PTPN12: variants seen among roughly 807,000 people sequenced by gnomAD.
PTPN12 encodes tyrosine-protein phosphatase non-receptor type 12.
A neutral mutation model predicts 97.6 loss-of-function variants in PTPN12; 29 were observed. The observed-to-expected ratio is 0.30, with a 90% CI of 0.22 to 0.41. The LOEUF (loss-of-function observed/expected upper bound fraction) is 0.41. PTPN12 is among the 10% of genes least tolerant of loss of function. The pLI, the probability that PTPN12 is intolerant of heterozygous loss-of-function variation, is 1.00. For missense variants in PTPN12, 819 were observed against 926.0 expected (o/e 0.88, Z 1.50); for synonymous variants, 327 against 300.4 (o/e 1.09, Z -0.91).
At chr7:77,634,409 T>A (rs116172232) in intron 14 of PTPN12, among the ~76,000 whole-genome samples, 3,129 of 152,186 alleles carry the variant, frequency 0.021, 106 homozygotes, top group African/African-American at 0.07. Flanking sequence ...TTGTTTTGTT[T>A]CATTTGGTTT....
intron 13 of PTPN12, among the ~76,000 whole-genome samples, chr7:77,628,233 T>C (rs1789271113): frequency 6.6e-6 from 1 of 152,228 alleles, no homozygotes; most frequent in Admixed American, 6.5e-5. Context: ...AATTCAGTAG[T>C]GAGTGGGCTA....
chr7:77,540,219 A>ATTTC (rs757480258), intron 1 of PTPN12, among the ~76,000 whole-genome samples: 1,648 of 149,104 alleles, frequency 0.011, 18 homozygotes, highest in African/African-American at 0.022. Flanking sequence ...TGGAGAGTTC[A>ATTTC]TTTCTTTCTT....
intron 13 of PTPN12, among the ~76,000 whole-genome samples, chr7:77,631,051 A>C (rs997282969): frequency 1.3e-5 from 2 of 152,156 alleles, no homozygotes; most frequent in East Asian, 3.9e-4. Context: ...TTGTTCATTT[A>C]ATTTAAGAAA....
chr7:77,567,289 G>A (rs1808304488), intron 1 of PTPN12, among the ~76,000 whole-genome samples: 1 of 151,698 alleles, frequency 6.6e-6, no homozygotes, highest in Non-Finnish European at 1.5e-5. Flanking sequence ...GGGCAAATTA[G>A]ATGTATTCTC....
At chr7:77,571,324 T>C (rs1456963578) in intron 2 of PTPN12, 138 bp downstream of exon 2, 11 of 581,890 alleles carry the variant, frequency 1.9e-5, no homozygotes, top group Non-Finnish European at 3.0e-5. Context: ...GGAAAGATAA[T>C]AATTCATAAT....
intron 9 of PTPN12, among the ~76,000 whole-genome samples, chr7:77,609,598 TG>T (rs1788493552): frequency 6.8e-6 from 1 of 146,194 alleles, no homozygotes; most frequent in African/African-American, 2.5e-5. Context: ...GTAAAAATCT[TG>T]GCTGGGCGCG....
Position 77,538,031 on chromosome 7 carries a change from G to A in PTPN12, c.99+386G>A, listed in dbSNP as rs1028102018. The A allele has an allele frequency of 4.9e-6, 5 of 1,018,040 alleles. No individual in the cohort carries two copies. The African/African-American group carries it at 6.9e-5, about 14-fold the overall frequency. The allele number at this position is 1,018,040 out of a possible 1,614,324, so 63.1% of individuals were successfully genotyped here. ...TCCCCGCGCAGTTCGCTCCTCCCAG[G>A]AGGGTCGAGGCAAGGTATCTGGCTG... On this transcript the variant is annotated intron_variant, in intron 1 of 17. Transcript: ENST00000248594.
At chr7:77,543,821 A>G (rs540947370) in intron 1 of PTPN12, among the ~76,000 whole-genome samples, 9 of 152,306 alleles carry the variant, frequency 5.9e-5, no homozygotes, top group African/African-American at 1.4e-4. Context: ...AGTTTCATCC[A>G]TGTTATAGTA....
At chr7:77,541,411 T>C (rs1237005572) in intron 1 of PTPN12, among the ~76,000 whole-genome samples, 2 of 152,164 alleles carry the variant, frequency 1.3e-5, no homozygotes, top group Non-Finnish European at 2.9e-5. Context: ...AACTATCTTA[T>C]ATCTTAATTT....
chr7:77,590,342 TTCTA>T (rs1388106376), intron 5 of PTPN12, among the ~76,000 whole-genome samples: 2 of 152,224 alleles, frequency 1.3e-5, no homozygotes, highest in African/African-American at 2.4e-5. Flanking sequence ...ACAACTTGTT[TTCTA>T]TCTGTTTCAA....
At chr7:77,580,452 G>T (rs1447824542) in intron 2 of PTPN12, among the ~76,000 whole-genome samples, 2 of 152,160 alleles carry the variant, frequency 1.3e-5, no homozygotes, top group South Asian at 2.1e-4. Context: ...TTGCATTTGT[G>T]TAGTAGTTTT....
chr7:77,627,465 A>T lies in PTPN12; in HGVS notation c.1786A>T (p.Ser596Cys), dbSNP rs1335334492. Residue 596 changes from serine (S) to cysteine (C), a missense_variant, in exon 13 of 18, where the codon AGT becomes TGT. By Grantham distance (112) the Ser-to-Cys change is moderately radical (BLOSUM62 -1). This residue lies in a region of PTPN12 where 607 missense variants were observed against 577.3 expected (regional missense o/e 1.05). Coordinates refer to ENST00000248594, the MANE Select transcript of PTPN12 (RefSeq NM_002835.4). ...TTCACCACTCTTCAGAACACCCCTC[A>T]GTTTTACTAATCCACTTCACTCTGA... ...NTSPLFRTPL[S>C]FTNPLHSDDS... 2 of 1,613,914 alleles carry T rather than the reference A, an allele frequency of 1.2e-6. No homozygotes were observed. Among genetic ancestry groups the T allele is most frequent in the South Asian group, 2.2e-5 (2 of 91,068 alleles).
In PTPN12 at chr7:77,571,180, C is replaced by A; in HGVS notation, c.202C>A (p.Leu68Met). ...NVKKNRYKDILPFDHSRVKLT... is the reference protein window; with the variant it reads ...NVKKNRYKDIMPFDHSRVKLT... ...TAAAAAGAACAGATACAAGGACATA[C>A]TGCCATGTAAGTTGGAAATGCCCTT... The change falls in exon 2 of 18, where the codon CTG becomes ATG. Residue 68 changes from leucine (L) to methionine (M), a missense_variant. Leu to Met is a conservative substitution (Grantham distance 15, BLOSUM62 2). Coordinates refer to ENST00000248594, the MANE Select transcript of PTPN12 (RefSeq NM_002835.4). 1 of 1,577,176 alleles carries A rather than the reference C, an allele frequency of 6.3e-7. No homozygotes were observed.
At position 77,600,353 on chromosome 7, in the gene PTPN12, G is replaced by C. The variant is rs562014418; in HGVS notation, c.553-311G>C. ...ACATGCTCTGGAAGTAGAACTGCCT[G>C]GTTTAGAGCCCACACTTGTCACTTC... On this transcript the variant is annotated intron_variant, in intron 7 of 17. Coordinates refer to ENST00000248594, the MANE Select transcript of PTPN12 (RefSeq NM_002835.4). Among the ~76,000 whole-genome samples the C allele has an allele frequency of 1.2e-4, 19 of 152,262 alleles. No individual in the cohort carries two copies. In the East Asian group the frequency reaches 3.7e-3, roughly 29 times the overall value.
chr7:77,624,500 C>T (rs1017842230), intron 12 of PTPN12, among the ~76,000 whole-genome samples: 2 of 151,896 alleles, frequency 1.3e-5, no homozygotes, highest in South Asian at 4.2e-4. Flanking sequence ...AGTGCAGTGG[C>T]GTGATCTCAG....
intron 1 of PTPN12, 55 bp from the exon 2 acceptor site, chr7:77,571,023 A>C: frequency 8.1e-7 from 1 of 1,232,494 alleles, no homozygotes; most frequent in Non-Finnish European, 1.1e-6. Context: ...TTCATTAAAA[A>C]TTTGAAAATA....
At chr7:77,607,546 A>G (rs2151372737) in intron 9 of PTPN12, among the ~76,000 whole-genome samples, 1 of 152,328 alleles carries the variant, frequency 6.6e-6, no homozygotes, top group Middle Eastern at 3.4e-3. Flanking sequence ...CAGCCTGGGG[A>G]ACATAGGGAG....
In PTPN12 at chr7:77,539,196, C is replaced by G. The variant is rs532858641; in HGVS notation, c.99+1551C>G. Among the ~76,000 whole-genome samples, 175 of 152,212 alleles carry G rather than the reference C, an allele frequency of 1.1e-3. 1 individual carries two copies. The highest frequency in any genetic ancestry group is 3.6e-3 in the African/African-American group (150 of 41,526). On this transcript the variant is annotated intron_variant, in intron 1 of 17. Coordinates refer to ENST00000248594, the MANE Select transcript of PTPN12 (RefSeq NM_002835.4). ...TTTTTAACAGCTTATAAAATAGGCC[C>G]TTGACCATACACAGTATTATACTAG...
chr7:77,625,258 T>G (rs897422332), intron 12 of PTPN12, among the ~76,000 whole-genome samples: 2 of 151,586 alleles, frequency 1.3e-5, no homozygotes, highest in Admixed American at 1.3e-4. Context: ...CTTTGGTTTT[T>G]TTTTTTTTTT....
Sources: allele counts gnomAD v4.1 joint callset (sites outside exome capture counted in the v4.1 genomes callset), GRCh38; gene constraint gnomAD v4.1.1; regional missense constraint gnomAD v4.1.1; transcripts MANE v1.5; gene names NCBI Gene and HGNC (gene_info 2026-07-23, HGNC 2026-07-21).